PLA2R1: variants seen among roughly 807,000 people sequenced by gnomAD.
PLA2R1 encodes secretory phospholipase A2 receptor.
PLA2R1 carries 158 observed loss-of-function variants against 195.9 expected under a neutral mutation model. That is an observed-to-expected ratio of 0.81 (90% CI 0.71 to 0.92). The LOEUF is 0.92. Among genes scored for constraint, PLA2R1 ranks in the 40% least tolerant of loss-of-function variants. The pLI, the probability that PLA2R1 is intolerant of heterozygous loss-of-function variation, is 0.00. For synonymous variants in PLA2R1, 586 were observed against 598.2 expected, an observed-to-expected ratio of 0.98 and a Z score of 0.30; for missense variants, 1,626 against 1,764.6, an observed-to-expected ratio of 0.92 and a Z score of 1.41.
chr2:160,019,948 G>GT (rs900653188), intron 8 of PLA2R1, among the ~76,000 whole-genome samples, 158 bp downstream of exon 8: 2 of 152,146 alleles, frequency 1.3e-5, no homozygotes, highest in Non-Finnish European at 2.9e-5. Flanking sequence ...TAATTACCAT[G>GT]TTTTTTCTGT....
At chr2:159,988,511 G>A (rs1690520571) in intron 11 of PLA2R1, among the ~76,000 whole-genome samples, 1 of 152,168 alleles carries the variant, frequency 6.6e-6, no homozygotes, top group African/African-American at 2.4e-5. Flanking sequence ...CATCAGAAGG[G>A]GTGATGGAGC....
In PLA2R1 at chr2:159,951,693, T is replaced by C. The variant is rs1240879804; in HGVS notation, c.3302-115A>G. 6 of 660,086 alleles carry C rather than the reference T, an allele frequency of 9.1e-6. No individual in the cohort carries two copies. The East Asian group carries it at 1.5e-4, about 17-fold the overall frequency. The allele number at this position is 660,086 out of a possible 1,614,324, so 40.9% of individuals were successfully genotyped here. On this transcript the variant is annotated intron_variant, in intron 23 of 29. Transcript: ENST00000283243. ...CCATGTTGATCAGAGTGCTTTCTTC[T>C]GGAATTGACTGTTTCAAAACAAGAA...
chr2:159,989,752 T>G (rs1200193821), intron 11 of PLA2R1, among the ~76,000 whole-genome samples: 3 of 152,240 alleles, frequency 2.0e-5, no homozygotes, highest in East Asian at 1.9e-4. Flanking sequence ...CCATTTTCAT[T>G]ACAAAAACTA....
At chr2:160,049,393 T>A (rs562758495) in intron 1 of PLA2R1, among the ~76,000 whole-genome samples, 1 of 152,296 alleles carries the variant, frequency 6.6e-6, no homozygotes, top group Admixed American at 6.5e-5. Context: ...CTAGCTTTCA[T>A]TGGATGCCAG....
intron 21 of PLA2R1, 71 bp from the exon 22 acceptor site, chr2:159,955,899 A>G: frequency 1.2e-6 from 1 of 849,544 alleles, no homozygotes; most frequent in Non-Finnish European, 1.8e-6. Context: ...CATCCTATTT[A>G]TAGCTATGAT....
At chr2:159,992,875 C>A (rs535902222) in intron 11 of PLA2R1, among the ~76,000 whole-genome samples, 2 of 152,020 alleles carry the variant, frequency 1.3e-5, no homozygotes, top group Non-Finnish European at 2.9e-5. Flanking sequence ...GAACATGCCC[C>A]GGAGTCATCC....
intron 10 of PLA2R1, among the ~76,000 whole-genome samples, chr2:160,011,147 G>C (rs955401676): frequency 1.3e-5 from 2 of 152,192 alleles, no homozygotes; most frequent in Non-Finnish European, 2.9e-5. Flanking sequence ...TGGGGAAAAT[G>C]AAACAGATTT....
At chr2:160,005,266 C>T (rs904774768) in intron 11 of PLA2R1, among the ~76,000 whole-genome samples, 5 of 151,992 alleles carry the variant, frequency 3.3e-5, no homozygotes, top group African/African-American at 1.2e-4. Flanking sequence ...ATCAGTCTGT[C>T]TCTACAGAAA....
At chr2:159,973,670 G>A (rs544004076) in intron 17 of PLA2R1, among the ~76,000 whole-genome samples, 7 of 152,234 alleles carry the variant, frequency 4.6e-5, no homozygotes, top group Admixed American at 1.3e-4. Context: ...TGTAAGCTGC[G>A]TAGTCTATAG....
At chr2:159,967,483 C>G in intron 20 of PLA2R1, 56 bp downstream of exon 20, 1 of 1,482,032 alleles carries the variant, frequency 6.7e-7, no homozygotes, top group Non-Finnish European at 9.2e-7. Flanking sequence ...TGAACACTTT[C>G]CAAAATTAGT....
intron 1 of PLA2R1, among the ~76,000 whole-genome samples, chr2:160,056,338 A>G (rs1559029527): frequency 6.6e-6 from 1 of 152,208 alleles, no homozygotes; most frequent in Non-Finnish European, 1.5e-5. Flanking sequence ...TTTGCTGACA[A>G]AAGAGTCCCA....
intron 1 of PLA2R1, among the ~76,000 whole-genome samples, chr2:160,054,813 C>G (rs978162529): frequency 6.6e-6 from 1 of 151,884 alleles, no homozygotes; most frequent in Admixed American, 6.6e-5. Flanking sequence ...AATTTATGCT[C>G]CTAGCTATGT....
chr2:159,970,222 GA>G lies in PLA2R1; in HGVS notation c.2596-11del, dbSNP rs372803762. On this transcript the variant is annotated splice_polypyrimidine_tract_variant and intron_variant, in intron 17 of 29. Coordinates refer to ENST00000283243, the MANE Select transcript of PLA2R1 (RefSeq NM_007366.5). Reference sequence around the variant, plus strand: ...CACCATACTTTGATAGCTATTGAAAGAAAAAAAGTCAGCATTTATTCTACTT... The same window carrying G: ...CACCATACTTTGATAGCTATTGAAAGAAAAAAGTCAGCATTTATTCTACTT... 13 of 1,594,414 alleles carry G rather than the reference GA, an allele frequency of 8.2e-6. No homozygotes were observed. The highest frequency in any genetic ancestry group is 9.4e-6 in the Non-Finnish European group (11 of 1,168,344).
At chr2:159,983,844 C>T in intron 13 of PLA2R1, 84 bp downstream of exon 13, 1 of 638,074 alleles carries the variant, frequency 1.6e-6, no homozygotes, top group East Asian at 2.7e-5. Context: ...TTTTAAACAA[C>T]TACTTGGGAT....
rs1197294546 is a variant in PLA2R1 at position 159,955,211 on chromosome 2, C to A, written c.3289G>T (p.Glu1097Ter). Reference protein sequence around the residue: ...CGKEGYGFVCEKMQDTSGHGV... With the variant: ...CGKEGYGFVC Reference sequence around the variant, plus strand: ...AAATATTTCTTACCTTGCATTTTTTCACAAACAAACCCATAGCCTTCCTTT... The same window carrying A: ...AAATATTTCTTACCTTGCATTTTTTAACAAACAAACCCATAGCCTTCCTTT... The change falls in exon 23 of 30, where the codon GAA becomes TAA. Residue 1097 changes from glutamate to a stop codon, truncating the protein, a stop_gained. Coordinates refer to ENST00000283243, the MANE Select transcript of PLA2R1 (RefSeq NM_007366.5). LOFTEE classifies it high-confidence loss of function. The A allele has an allele frequency of 3.1e-6, 5 of 1,599,754 alleles. No individual in the cohort carries two copies. Among genetic ancestry groups the A allele is most frequent in the Non-Finnish European group, 4.3e-6 (5 of 1,174,676 alleles).
chr2:159,955,494 CCTA>C (rs1456495368), intron 22 of PLA2R1, 148 bp from the exon 23 acceptor site: 4 of 537,956 alleles, frequency 7.4e-6, no homozygotes, highest in Non-Finnish European at 1.2e-5. Flanking sequence ...CATTTCATAA[CCTA>C]CAAAATAAAC....
chr2:159,983,515 C>T (rs186959743), intron 13 of PLA2R1, among the ~76,000 whole-genome samples: 10 of 149,504 alleles, frequency 6.7e-5, no homozygotes, highest in Non-Finnish European at 5.9e-5. Context: ...AAATAATTAG[C>T]GGTGGAGCTG....
chr2:160,054,486 A>C (rs1309288001), intron 1 of PLA2R1, among the ~76,000 whole-genome samples: 1 of 152,210 alleles, frequency 6.6e-6, no homozygotes, highest in Non-Finnish European at 1.5e-5. Context: ...TTATATTTTC[A>C]TGATTGAAAA....
At chr2:159,962,705 TA>T (rs1232454307) in intron 20 of PLA2R1, among the ~76,000 whole-genome samples, 3 of 152,052 alleles carry the variant, frequency 2.0e-5, no homozygotes, top group Non-Finnish European at 2.9e-5. Flanking sequence ...TATGCAGCCA[TA>T]AAAAAGGATG....
Sources: allele counts gnomAD v4.1 joint callset (sites outside exome capture counted in the v4.1 genomes callset), GRCh38; gene constraint gnomAD v4.1.1; transcripts MANE v1.5; gene names NCBI Gene and HGNC (gene_info 2026-07-23, HGNC 2026-07-21).